MRPL21: variants seen among roughly 807,000 people sequenced by gnomAD.
MRPL21 encodes large ribosomal subunit protein bL21m.
In MRPL21, 20 loss-of-function variants were observed where a neutral mutation model predicts 27.3. The observed-to-expected ratio is 0.73, with a 90% confidence interval of 0.52 to 1.06. The LOEUF (loss-of-function observed/expected upper bound fraction) is 1.06, where lower values mean the gene tolerates loss of function less well. Ranked by LOEUF, MRPL21 falls within the 50% of genes least tolerant of loss-of-function variation. The pLI is 0.00. For synonymous variants in MRPL21, 98 were observed against 101.5 expected (o/e 0.97, Z 0.21); for missense variants, 249 against 251.4 (o/e 0.99, Z 0.06).
chr11:68,901,591 T>G (rs965480832), intron 1 of MRPL21, among the ~76,000 whole-genome samples: 3 of 152,198 alleles, frequency 2.0e-5, no homozygotes, highest in Admixed American at 6.5e-5. Flanking sequence ...TTGCATCTCC[T>G]CGGCTGCTTT....
chr11:68,891,656 C>T (rs1857650157), intron 6 of MRPL21: 1 of 571,282 alleles, frequency 1.8e-6, no homozygotes, highest in East Asian at 2.9e-5. Flanking sequence ...TCCTCCCACA[C>T]TGTCTATGCT....
intron 3 of MRPL21, 80 bp downstream of exon 3, chr11:68,897,847 G>T: frequency 2.9e-6 from 3 of 1,045,192 alleles, no homozygotes; most frequent in South Asian, 1.3e-5. Flanking sequence ...TCGTTCTGTG[G>T]CCTGGTGACA....
chr11:68,897,648 C>A (rs1857830328), intron 3 of MRPL21: 1 of 511,830 alleles, frequency 2.0e-6, no homozygotes, highest in Admixed American at 3.3e-5. Context: ...GCTGTCGCTG[C>A]ACCCACCAAC....
At chr11:68,899,473 A>G (rs951437623) in intron 2 of MRPL21, among the ~76,000 whole-genome samples, 4 of 152,146 alleles carry the variant, frequency 2.6e-5, no homozygotes, top group Non-Finnish European at 5.9e-5. Flanking sequence ...CCAGTGGGGT[A>G]GGGCTTGGAG....
At chr11:68,900,921 A>C (rs142879065) in intron 1 of MRPL21, among the ~76,000 whole-genome samples, 1 of 152,368 alleles carries the variant, frequency 6.6e-6, no homozygotes, top group Non-Finnish European at 1.5e-5. Flanking sequence ...AGCAGCCTCC[A>C]AGATGGCCCT....
intron 1 of MRPL21, among the ~76,000 whole-genome samples, chr11:68,902,247 T>C (rs1245923212): frequency 6.6e-6 from 1 of 152,222 alleles, no homozygotes; most frequent in Non-Finnish European, 1.5e-5. Context: ...AACATAGCAT[T>C]GGAGGGGTGG....
At chr11:68,903,654 T>TA in intron 1 of MRPL21, 69 bp downstream of exon 1, 3 of 1,529,516 alleles carry the variant, frequency 2.0e-6, no homozygotes, top group Non-Finnish European at 2.7e-6. Flanking sequence ...CCCAGGCACA[T>TA]ACGTGGCGAG....
At chr11:68,900,812 T>C (rs1001980595) in intron 1 of MRPL21, among the ~76,000 whole-genome samples, 88 of 152,330 alleles carry the variant, frequency 5.8e-4, no homozygotes, top group African/African-American at 2.0e-3. Flanking sequence ...GTTAGCCACA[T>C]CATCTACAAG....
intron 3 of MRPL21, 52 bp from the exon 4 acceptor site, chr11:68,896,730 C>T (rs372514978): frequency 5.4e-5 from 86 of 1,605,630 alleles, no homozygotes; most frequent in East Asian, 1.6e-4. Context: ...CTCCCCCACG[C>T]GCTGCAGTGT....
Position 68,903,798 on chromosome 11 carries a change from A to C in MRPL21, c.13T>G (p.Ser5Ala). Residue 5 changes from serine (S) to alanine (A), a missense_variant, in exon 1 of 7, where the codon TCC becomes GCC. Coordinates refer to ENST00000362034, the MANE Select transcript of MRPL21 (RefSeq NM_181514.2). MAAS[S>A]LTVTLGRLAS... ...AGCCGCCCTAAGGTGACCGTCAGGG[A>C]AGATGCTGCCATGGCCGCAGCCTCG... 3.4e-6 allele frequency: 5 copies of C among 1,454,354 alleles called. No homozygotes were observed. The highest frequency in any genetic ancestry group is 4.7e-6 in the Non-Finnish European group (5 of 1,065,010). The allele number at this position is 1,454,354 out of a possible 1,614,324, so 90.1% of individuals were successfully genotyped here. A position where few individuals can be genotyped will look rare whatever the true frequency, so the allele number is the denominator to read the frequency against.
chr11:68,895,510 C>T (rs375424910), intron 4 of MRPL21, among the ~76,000 whole-genome samples: 33 of 151,920 alleles, frequency 2.2e-4, no homozygotes, highest in African/African-American at 7.2e-4. Flanking sequence ...ATTAGCAGGG[C>T]GTGGTGGCAT....
chr11:68,896,767 C>T, intron 3 of MRPL21, 89 bp from the exon 4 acceptor site: 2 of 1,549,666 alleles, frequency 1.3e-6, no homozygotes, highest in Non-Finnish European at 8.8e-7. Flanking sequence ...TGGTGGGGCC[C>T]TAGGGTGGAC....
rs1858039886 is a variant in MRPL21 at position 68,903,711 on chromosome 11, C to CCCAGGTCT, written c.88+4_88+11dup. 6.2e-7 allele frequency: 1 copy of CCCAGGTCT among 1,613,032 alleles called. No individual in the cohort carries two copies. The highest frequency in any genetic ancestry group is 8.5e-7 in the Non-Finnish European group (1 of 1,179,898). On this transcript the variant is annotated intron_variant, in intron 1 of 6. Coordinates refer to ENST00000362034, the MANE Select transcript of MRPL21 (RefSeq NM_181514.2). ...TCTGCGTCCTCCCTTCCTCCCATAT[C>CCCAGGTCT]CCAGGTCTCACCTGCTCCGGGCCCC... is the stretch of plus-strand genomic sequence containing the variant.
intron 2 of MRPL21, among the ~76,000 whole-genome samples, chr11:68,899,508 T>C (rs1263505152): frequency 1.3e-5 from 2 of 152,150 alleles, no homozygotes; most frequent in Admixed American, 6.5e-5. Context: ...AACTCCGTGA[T>C]CTGTGGTTGG....
chr11:68,895,738 C>T (rs192251324), intron 4 of MRPL21, among the ~76,000 whole-genome samples: 188 of 152,262 alleles, frequency 1.2e-3, no homozygotes, highest in African/African-American at 4.3e-3. Flanking sequence ...TGGCCAATCA[C>T]GGCTCACTGC....
At position 68,896,958 on chromosome 11, in the gene MRPL21, C is replaced by T. The variant is rs146337350; in HGVS notation, c.233-280G>A. 1.0e-5 allele frequency: 5 copies of T among 495,616 alleles called. No homozygotes were observed. In the East Asian group the frequency reaches 1.6e-4, roughly 16 times the overall value. 30.7% of individuals were successfully genotyped at this position (495,616 alleles called of 1,614,324 possible). On this transcript the variant is annotated intron_variant, in intron 3 of 6. Coordinates refer to ENST00000362034, the MANE Select transcript of MRPL21 (RefSeq NM_181514.2). ...ACTGCAGAGAACGCCCAAACCGCCT[C>T]ATGCAACTCCCTCGCCTAAGCACTC...
intron 4 of MRPL21, among the ~76,000 whole-genome samples, chr11:68,894,116 T>A (rs1857724332): frequency 6.6e-6 from 1 of 152,170 alleles, no homozygotes; most frequent in African/African-American, 2.4e-5. Context: ...TTGTGTCTCT[T>A]GGCGCAGTTT....
intron 4 of MRPL21, among the ~76,000 whole-genome samples, chr11:68,895,859 T>C (rs982096849): frequency 6.6e-6 from 1 of 152,122 alleles, no homozygotes; most frequent in African/African-American, 2.4e-5. Flanking sequence ...TTAGTAGAGA[T>C]GAGGTCTCTG....
At chr11:68,891,718 T>A in intron 6 of MRPL21, 1 of 533,610 alleles carries the variant, frequency 1.9e-6, no homozygotes, top group Non-Finnish European at 3.4e-6. Context: ...ACCTTGAGGC[T>A]ACCTGGAAGT....
Sources: gnomAD v4.1 joint callset for allele counts (sites outside exome capture counted in the v4.1 genomes callset) on GRCh38, gnomAD v4.1.1 for gene constraint, MANE v1.5 for transcripts, NCBI Gene and HGNC (gene_info 2026-07-23, HGNC 2026-07-21) for gene names.